Variants in ZNF709 observed in about 807,000 individuals in gnomAD.
ZNF709 encodes zinc finger protein 709.
Under a neutral mutation model 10.6 loss-of-function variants are expected in ZNF709, and 15 were observed. The observed-to-expected ratio is 1.41, with a 90% CI of 0.95 to 2.18. The LOEUF is 2.18. ZNF709 is among the 30% of genes most tolerant of loss of function. The pLI is 0.00. For synonymous variants in ZNF709, 194 were observed against 238.8 expected, an observed-to-expected ratio of 0.81 and a Z score of 1.73; for missense variants, 589 against 774.0, an observed-to-expected ratio of 0.76 and a Z score of 2.84.
rs756089020 is a variant in ZNF709, at chr19:12,465,394, A to C, written c.528T>G (p.Ala176=). ...KPYKCKQCGK[A]FSWPSSFQIH... ...TTTGAAAGGAACTGGGCCAACTGAA[A>C]GCCTTACCACACTGTTTACATTTAT... Residue 176 remains alanine (A), a synonymous_variant, in exon 4 of 4, where the codon GCT becomes GCG. Transcript: ENST00000397732. The C allele has an allele frequency of 6.2e-7, 1 of 1,611,628 alleles. No individual in the cohort carries two copies. The highest frequency in any genetic ancestry group is 1.1e-5 in the South Asian group (1 of 90,572).
Position 12,465,657 on chromosome 19 carries a change from G to T in ZNF709, c.265C>A (p.Pro89Thr). ...FGETISQTPNPKPNKKTFTRV... is the reference protein window; with the variant it reads ...FGETISQTPNTKPNKKTFTRV... ...GTAAAAGTTTTCTTGTTTGGTTTAG[G>T]ATTTGGAGTCTGACTGATGGTTTCT... The change falls in exon 4 of 4, where the codon CCT becomes ACT. Residue 89 changes from proline to threonine, a missense_variant. This residue lies in a region of ZNF709 where 418 missense variants were observed against 496.3 expected (regional missense o/e 0.84). Transcript: ENST00000397732. 6.2e-7 allele frequency: 1 copy of T among 1,612,746 alleles called. No homozygotes were observed. Among genetic ancestry groups the T allele is most frequent in the Non-Finnish European group, 8.5e-7 (1 of 1,179,714 alleles).
rs749797361 is a variant in ZNF709 at position 12,465,651 on chromosome 19, G to A, written c.271C>T (p.Pro91Ser). ...ETISQTPNPK[P>S]NKKTFTRVKP... ...ACTCTAGTAAAAGTTTTCTTGTTTG[G>A]TTTAGGATTTGGAGTCTGACTGATG... The change falls in exon 4 of 4, where the codon CCA (proline) becomes TCA (serine). Residue 91 changes from proline to serine, a missense_variant. Transcript: ENST00000397732. 57 of 1,612,842 alleles carry A rather than the reference G, an allele frequency of 3.5e-5. No individual in the cohort carries two copies. The highest frequency in any genetic ancestry group is 4.4e-5 in the Non-Finnish European group (52 of 1,179,790).
intron 1 of ZNF709, among the ~76,000 whole-genome samples, chr19:12,470,925 T>TC (rs905937505): frequency 7.7e-6 from 1 of 130,462 alleles, no homozygotes; most frequent in Non-Finnish European, 1.6e-5. Flanking sequence ...AGACTCCACC[T>TC]CAAAAAAAAA....
Position 12,484,765 on chromosome 19 carries a change from G to C in ZNF709, c.-108C>G. ...TCCACCTGAGGGCCTTCTGGGGTGA[G>C]GAGACCCCAGAGCGGAGCGCAGCGG... On this transcript the variant is annotated 5_prime_UTR_variant, in exon 1 of 4. Transcript: ENST00000397732. 1 of 1,479,542 alleles carries C rather than the reference G, an allele frequency of 6.8e-7. No homozygotes were observed. Among genetic ancestry groups the C allele is most frequent in the Non-Finnish European group, 9.4e-7 (1 of 1,061,544 alleles). 91.7% of individuals were successfully genotyped at this position (1,479,542 alleles called of 1,614,324 possible). A position where few individuals can be genotyped will look rare whatever the true frequency, so the allele number is the denominator to read the frequency against.
In ZNF709 at chr19:12,463,926, CAAAAAA is replaced by C. The variant is rs60000717; in HGVS notation, c.*64_*69del. On this transcript the variant is annotated 3_prime_UTR_variant, in exon 4 of 4. Coordinates refer to ENST00000397732, the MANE Select transcript of ZNF709 (RefSeq NM_152601.4). ...AGGGCAACAGAGTGAGAATTCAACTCAAAAAAAAAAAAAAAAAAAAAGGAAATAGGA... is the reference window on the plus strand; with the variant it reads ...AGGGCAACAGAGTGAGAATTCAACTCAAAAAAAAAAAAAAAGGAAATAGGA... The C allele has an allele frequency of 1.4e-3, 1,249 of 913,820 alleles. No homozygotes were observed. Among genetic ancestry groups the C allele is most frequent in the South Asian group, 3.3e-3 (95 of 28,632 alleles). The allele number at this position is 913,820 out of a possible 1,614,324, so 56.6% of individuals were successfully genotyped here.
In ZNF709 at chr19:12,464,913, C is replaced by T; in HGVS notation, c.1009G>A (p.Asp337Asn). ...AATGCTTTCCCACATTCCTTACAATCATAGGGTTTCTCTCCTGTATGAATT... is the reference window on the plus strand; with the variant it reads ...AATGCTTTCCCACATTCCTTACAATTATAGGGTTTCTCTCCTGTATGAATT... ...ERIHTGEKPYDCKECGKAFIS... is the reference protein window; with the variant it reads ...ERIHTGEKPYNCKECGKAFIS... Residue 337 changes from aspartate (D) to asparagine (N), a missense_variant, in exon 4 of 4, where the codon GAT (aspartate) becomes AAT (asparagine). Coordinates refer to ENST00000397732, the MANE Select transcript of ZNF709 (RefSeq NM_152601.4). 4 of 1,612,770 alleles carry T rather than the reference C, an allele frequency of 2.5e-6. No individual in the cohort carries two copies. The highest frequency in any genetic ancestry group is 2.5e-6 in the Non-Finnish European group (3 of 1,179,494).
At chr19:12,474,436 T>G (rs1380860634) in intron 1 of ZNF709, among the ~76,000 whole-genome samples, 2 of 152,188 alleles carry the variant, frequency 1.3e-5, no homozygotes, top group Non-Finnish European at 2.9e-5. Context: ...TTGACACACA[T>G]TTAGGTTGTT....
chr19:12,484,711 C>CAGGTCCTACCTCCACCTG lies in ZNF709; in HGVS notation c.-72_-55dup, dbSNP rs1970763928. On this transcript the variant is annotated 5_prime_UTR_variant, in exon 1 of 4. Transcript: ENST00000397732. The stretch of plus-strand genomic sequence containing the variant: ...CTGTTTACCTCTCCCGCGGCCAGCA[C>CAGGTCCTACCTCCACCTG]AGGTCCTACCTCCACCTGAGGCCCT... The CAGGTCCTACCTCCACCTG allele has an allele frequency of 2.5e-6, 4 of 1,613,596 alleles. No individual in the cohort carries two copies. The Admixed American group carries it at 6.7e-5, about 27-fold the overall frequency.
Position 12,484,681 on chromosome 19 carries a change from G to A in ZNF709, c.-24C>T. On this transcript the variant is annotated 5_prime_UTR_variant, in exon 1 of 4. Coordinates refer to ENST00000397732, the MANE Select transcript of ZNF709 (RefSeq NM_152601.4). ...ATTTCCCAGACTCTGGGATGTCCTGGTGTTCTGTTTACCTCTCCCGCGGCC... is the reference window on the plus strand; with the variant it reads ...ATTTCCCAGACTCTGGGATGTCCTGATGTTCTGTTTACCTCTCCCGCGGCC... 6.2e-7 allele frequency: 1 copy of A among 1,614,048 alleles called. No homozygotes were observed.
chr19:12,484,612 G>A (rs763580971), intron 1 of ZNF709, 43 bp downstream of exon 1: 1 of 1,609,892 alleles, frequency 6.2e-7, no homozygotes, highest in Non-Finnish European at 8.5e-7. Flanking sequence ...GTTTCAACCC[G>A]CCCCTCTCTC....
In ZNF709 at chr19:12,465,245, C is replaced by T. The variant is rs1568245520; in HGVS notation, c.677G>A (p.Cys226Tyr). The change falls in exon 4 of 4, where the codon TGT (cysteine) becomes TAT (tyrosine). Residue 226 changes from cysteine (C) to tyrosine (Y), a missense_variant. Cys to Tyr is a radical substitution (Grantham distance 194, BLOSUM62 -2). Coordinates refer to ENST00000397732, the MANE Select transcript of ZNF709 (RefSeq NM_152601.4). ...RMHTGEKPYK[C>Y]KECGKTFSHP... ...ACTGAACGTTTTCCCGCATTCTTTACATTTATAGGGTTTCTCCCCTGTGTG... is the reference window on the plus strand; with the variant it reads ...ACTGAACGTTTTCCCGCATTCTTTATATTTATAGGGTTTCTCCCCTGTGTG... The T allele has an allele frequency of 6.2e-7, 1 of 1,612,920 alleles. No homozygotes were observed.
At chr19:12,481,019 A>G (rs1970722758) in intron 1 of ZNF709, 1 of 225,802 alleles carries the variant, frequency 4.4e-6, no homozygotes, top group Admixed American at 6.5e-5. Flanking sequence ...CCTGGGCTCA[A>G]GCAATCCACC....
intron 1 of ZNF709, among the ~76,000 whole-genome samples, chr19:12,478,591 G>A (rs986875226): frequency 6.6e-6 from 1 of 152,230 alleles, no homozygotes; most frequent in African/African-American, 2.4e-5. Flanking sequence ...TCGTTCCAAT[G>A]TTGACACTAA....
At chr19:12,473,305 CA>C (rs1241322078) in intron 1 of ZNF709, among the ~76,000 whole-genome samples, 1 of 152,184 alleles carries the variant, frequency 6.6e-6, no homozygotes, top group East Asian at 1.9e-4. Context: ...AACACAGAGG[CA>C]AAACCACTCA....
Position 12,464,109 on chromosome 19 carries a change from T to C in ZNF709, c.1813A>G (p.Ile605Val), listed in dbSNP as rs1176387110. Residue 605 changes from isoleucine to valine, a missense_variant, in exon 4 of 4, where the codon ATC becomes GTC. Ile to Val is a conservative substitution (Grantham distance 29). Transcript: ENST00000397732. The part of the protein sequence containing the change: ...KAFSCSRSFR[I>V]HERTHTGEKP... Reference sequence around the variant, plus strand: ...TCTCCAGTGTGAGTTCGTTCATGGATTCGAAAGGAACGTGAGCAACTGAAG... The same window carrying C: ...TCTCCAGTGTGAGTTCGTTCATGGACTCGAAAGGAACGTGAGCAACTGAAG... 7 of 1,563,668 alleles carry C rather than the reference T, an allele frequency of 4.5e-6. No individual in the cohort carries two copies. Among genetic ancestry groups the C allele is most frequent in the Admixed American group, 2.0e-5 (1 of 50,650 alleles).
In ZNF709 at chr19:12,466,775, T is replaced by G. The variant is rs1343116032; in HGVS notation, c.79A>C (p.Lys27Gln). ...TCTTGCATCACATCTCTGTAGAGTT[T>G]CTTCTGAGAGGGACCCAGCAAAGCC... ...EWALLGPSQKKLYRDVMQETF... is the reference protein window; with the variant it reads ...EWALLGPSQKQLYRDVMQETF... The change falls in exon 2 of 4, where the codon AAA (lysine) becomes CAA (glutamine). Residue 27 changes from lysine to glutamine, a missense_variant. By Grantham distance (53) the Lys-to-Gln change is moderately conservative. Around this residue, in one of 2 missense-constraint regions of ZNF709, gnomAD observed 418 missense variants for 496.3 expected, o/e 0.84. Transcript: ENST00000397732. 13 of 1,613,942 alleles carry G rather than the reference T, an allele frequency of 8.1e-6. No individual in the cohort carries two copies. The highest frequency in any genetic ancestry group is 1.1e-5 in the Non-Finnish European group (13 of 1,179,974).
chr19:12,471,871 G>C (rs992942474), intron 1 of ZNF709, among the ~76,000 whole-genome samples: 5 of 152,148 alleles, frequency 3.3e-5, no homozygotes, highest in Non-Finnish European at 5.9e-5. Flanking sequence ...TTTTTTAAAT[G>C]CAAGAGTAGG....
chr19:12,479,932 T>C (rs1298225659), intron 1 of ZNF709, among the ~76,000 whole-genome samples: 2 of 151,750 alleles, frequency 1.3e-5, no homozygotes, highest in Non-Finnish European at 2.9e-5. Context: ...GTAAGCCAAG[T>C]TGAGAGGATT....
intron 1 of ZNF709, among the ~76,000 whole-genome samples, chr19:12,479,560 C>T (rs1335069837): frequency 1.3e-5 from 2 of 151,932 alleles, no homozygotes; most frequent in Non-Finnish European, 2.9e-5. Flanking sequence ...AAATTTTCTA[C>T]GTATGAAACA....
Sources: gnomAD v4.1 joint callset for allele counts (sites outside exome capture counted in the v4.1 genomes callset) on GRCh38, gnomAD v4.1.1 for gene constraint, gnomAD v4.1.1 regional missense constraint, MANE v1.5 for transcripts, NCBI Gene and HGNC (gene_info 2026-07-23, HGNC 2026-07-21) for gene names.